Variants in LRRTM4 observed in about 807,000 individuals in gnomAD.
LRRTM4 encodes the protein leucine rich repeat transmembrane neuronal 4.
LRRTM4 carries 25 observed loss-of-function variants against 47.6 expected under a neutral mutation model. The observed-to-expected ratio is 0.53, with a 90% CI of 0.38 to 0.73. LRRTM4 has a LOEUF of 0.73. LRRTM4 is among the 30% of genes least tolerant of loss of function. The pLI is 0.00. For synonymous variants in LRRTM4, 311 were observed against 269.5 expected (o/e 1.15, Z -1.51); for missense variants, 638 against 713.4 (o/e 0.89, Z 1.20).
chr2:76,754,107 A>G (rs1672945260), intron 3 of LRRTM4, among the ~76,000 whole-genome samples: 1 of 152,210 alleles, frequency 6.6e-6, no homozygotes, highest in Admixed American at 6.5e-5. Context: ...TACTCAGGGC[A>G]TTTAAAAAGT....
chr2:76,994,437 T>C (rs1011442660), intron 3 of LRRTM4, among the ~76,000 whole-genome samples: 7 of 152,070 alleles, frequency 4.6e-5, no homozygotes, highest in East Asian at 1.9e-4. Context: ...CTTAGTAGGA[T>C]TGGAGAGCAT....
intron 3 of LRRTM4, among the ~76,000 whole-genome samples, chr2:77,194,562 A>G (rs1043445652): frequency 6.6e-5 from 10 of 152,228 alleles, no homozygotes; most frequent in African/African-American, 2.4e-4. Context: ...GTACTCAAAC[A>G]TCAACAGAAA....
intron 3 of LRRTM4, among the ~76,000 whole-genome samples, chr2:77,281,067 T>G (rs972574217): frequency 1.3e-5 from 2 of 152,012 alleles, no homozygotes; most frequent in African/African-American, 2.4e-5. Flanking sequence ...GAGTTGTATC[T>G]GTTTTTTATT....
At chr2:76,885,782 A>T (rs1002312364) in intron 3 of LRRTM4, among the ~76,000 whole-genome samples, 22 of 152,190 alleles carry the variant, frequency 1.4e-4, no homozygotes, top group Admixed American at 2.6e-4. Context: ...TACTTTTTTT[A>T]AAAAAAGCTA....
intron 3 of LRRTM4, among the ~76,000 whole-genome samples, chr2:77,127,920 G>A (rs28617404): frequency 0.011 from 1,748 of 152,246 alleles, 38 homozygotes; most frequent in African/African-American, 0.04. Flanking sequence ...CAAGGCGGGC[G>A]GATCATGAGG....
intron 3 of LRRTM4, among the ~76,000 whole-genome samples, chr2:77,133,074 G>A (rs1189551099): frequency 1.3e-5 from 2 of 152,198 alleles, no homozygotes; most frequent in Non-Finnish European, 2.9e-5. Flanking sequence ...TGGAGTGAAT[G>A]TGGCAGCTGC....
chr2:77,359,394 C>T (rs990592267), intron 3 of LRRTM4, among the ~76,000 whole-genome samples: 3 of 152,116 alleles, frequency 2.0e-5, no homozygotes, highest in Admixed American at 6.6e-5. Context: ...TTCAGTCCCT[C>T]TATGAGTTTG....
Position 77,058,656 on chromosome 2 carries a change from G to T in LRRTM4, c.1552-309740C>A, listed in dbSNP as rs1327977055. ...TAATTAGAATATTATTCATTTGCTT[G>T]ATTAAAACCAGAACATATATTATTA... On this transcript the variant is annotated intron_variant, in intron 3 of 3. Transcript: ENST00000409884. 2.0e-5 allele frequency among the ~76,000 whole-genome samples: 3 copies of T among 151,856 alleles called. 1 individual carries two copies. The South Asian group carries it at 6.2e-4, about 32-fold the overall frequency.
intron 3 of LRRTM4, among the ~76,000 whole-genome samples, chr2:77,037,697 A>G (rs961956014): frequency 2.6e-5 from 4 of 151,698 alleles, no homozygotes; most frequent in African/African-American, 9.7e-5. Flanking sequence ...GGATAGCTCT[A>G]TATACTCCCC....
intron 3 of LRRTM4, among the ~76,000 whole-genome samples, chr2:77,335,586 T>G (rs1671133939): frequency 6.6e-6 from 1 of 152,186 alleles, no homozygotes; most frequent in Admixed American, 6.5e-5. Context: ...ACTCTTATCT[T>G]TTGGAATTTG....
chr2:76,863,234 G>C lies in LRRTM4; in HGVS notation c.1552-114318C>G, dbSNP rs969325028. Among the ~76,000 whole-genome samples, 5 of 152,272 alleles carry C rather than the reference G, an allele frequency of 3.3e-5. No homozygotes were observed. The South Asian group carries it at 1.0e-3, about 32-fold the overall frequency. The stretch of plus-strand genomic sequence containing the variant: ...GCATAAGATAATTCAGTCCTCATGA[G>C]GATGTCCTAATAAGTAAGGTACTTA... On this transcript the variant is annotated intron_variant, in intron 3 of 3. Coordinates refer to ENST00000409884, the MANE Select transcript of LRRTM4 (RefSeq NM_001134745.3).
chr2:77,321,001 G>A (rs1281467492), intron 3 of LRRTM4, among the ~76,000 whole-genome samples: 2 of 151,800 alleles, frequency 1.3e-5, no homozygotes, highest in African/African-American at 4.8e-5. Context: ...ATGTTAATAA[G>A]AATAAAAAAT....
At chr2:76,857,529 A>C (rs1433699469) in intron 3 of LRRTM4, among the ~76,000 whole-genome samples, 2 of 152,002 alleles carry the variant, frequency 1.3e-5, no homozygotes, top group African/African-American at 2.4e-5. Context: ...GGGAATTGAC[A>C]ACACTAACCC....
At chr2:76,984,207 C>T (rs555720094) in intron 3 of LRRTM4, among the ~76,000 whole-genome samples, 19 of 152,074 alleles carry the variant, frequency 1.2e-4, no homozygotes, top group African/African-American at 4.1e-4. Context: ...CATAAGACAG[C>T]TTTTCACAGC....
chr2:77,403,310 A>G (rs769989572), intron 3 of LRRTM4, among the ~76,000 whole-genome samples: 9 of 151,896 alleles, frequency 5.9e-5, no homozygotes, highest in Non-Finnish European at 1.2e-4. Flanking sequence ...CAGGGCTCCA[A>G]TCCTACTGAA....
At chr2:76,885,626 C>G (rs549350583) in intron 3 of LRRTM4, among the ~76,000 whole-genome samples, 27 of 151,934 alleles carry the variant, frequency 1.8e-4, no homozygotes, top group Non-Finnish European at 2.5e-4. Flanking sequence ...CCACCACGTC[C>G]GGCTAATTGT....
At chr2:76,831,453 C>T (rs1671350227) in intron 3 of LRRTM4, among the ~76,000 whole-genome samples, 1 of 152,106 alleles carries the variant, frequency 6.6e-6, no homozygotes, top group South Asian at 2.1e-4. Flanking sequence ...AATTTTGATA[C>T]TCACTTAAAT....
At chr2:76,899,961 G>A (rs1673566740) in intron 3 of LRRTM4, among the ~76,000 whole-genome samples, 1 of 152,098 alleles carries the variant, frequency 6.6e-6, no homozygotes, top group Admixed American at 6.6e-5. Context: ...AGGTGCGGTG[G>A]CTCACACCTG....
intron 3 of LRRTM4, among the ~76,000 whole-genome samples, chr2:77,270,005 A>G (rs191468518): frequency 6.6e-6 from 1 of 152,292 alleles, no homozygotes; most frequent in East Asian, 1.9e-4. Context: ...GCTGAAAGAC[A>G]CAGAAGCTGA....
Sources: allele counts gnomAD v4.1 joint callset (sites outside exome capture counted in the v4.1 genomes callset), GRCh38; gene constraint gnomAD v4.1.1; transcripts MANE v1.5; gene names NCBI Gene and HGNC (gene_info 2026-07-23, HGNC 2026-07-21).